The following PDGFD variants were observed in gnomAD, a reference collection of about 807,000 sequenced individuals.
PDGFD encodes platelet derived growth factor D, also known as platelet-derived growth factor D.
A neutral mutation model predicts 44.7 loss-of-function variants in PDGFD; 30 were observed. That is an observed-to-expected ratio of 0.67 (90% CI 0.50 to 0.91). PDGFD has a LOEUF of 0.91. PDGFD is among the 40% of genes least tolerant of loss of function. The probability of loss-of-function intolerance (pLI) is 0.00; values close to 1 mark genes in which losing one functional copy is unlikely to be tolerated. For synonymous variants in PDGFD, 173 were observed against 168.4 expected, an observed-to-expected ratio of 1.03 and a Z score of -0.21; for missense variants, 445 against 457.8, an observed-to-expected ratio of 0.97 and a Z score of 0.25.
intron 1 of PDGFD, among the ~76,000 whole-genome samples, chr11:104,100,909 T>G (rs558458373): frequency 1.3e-5 from 2 of 152,266 alleles, no homozygotes; most frequent in South Asian, 4.1e-4. Context: ...CAACCCTTCA[T>G]GCTAAAAACT....
chr11:104,061,235 T>TA (rs1382884000), intron 1 of PDGFD, among the ~76,000 whole-genome samples: 7 of 151,522 alleles, frequency 4.6e-5, no homozygotes, highest in African/African-American at 1.7e-4. Flanking sequence ...AGTAAGAAAA[T>TA]AATTCTTAGC....
At chr11:103,977,814 T>C (rs914459929) in intron 3 of PDGFD, among the ~76,000 whole-genome samples, 1 of 152,044 alleles carries the variant, frequency 6.6e-6, no homozygotes, top group Non-Finnish European at 1.5e-5. Context: ...GGATCTAATA[T>C]GTACAGAGAT....
chr11:103,934,540 A>G (rs1045366259), intron 5 of PDGFD, among the ~76,000 whole-genome samples: 2 of 152,210 alleles, frequency 1.3e-5, no homozygotes, highest in Non-Finnish European at 2.9e-5. Flanking sequence ...GTAGTTTATA[A>G]AGAAAAGAGG....
At chr11:104,087,470 G>A (rs1861148796) in intron 1 of PDGFD, among the ~76,000 whole-genome samples, 2 of 152,050 alleles carry the variant, frequency 1.3e-5, no homozygotes, top group Admixed American at 6.6e-5. Context: ...GTCTCCCAAA[G>A]TGCTGGGATT....
In PDGFD at chr11:104,119,558, A is replaced by ATTGAT. The variant is rs1565341031; in HGVS notation, c.124+44245_124+44246insATCAA. On this transcript the variant is annotated intron_variant, in intron 1 of 6. Coordinates refer to ENST00000393158, the MANE Select transcript of PDGFD (RefSeq NM_025208.5). The stretch of plus-strand genomic sequence containing the variant: ...AATATATAATATAATATATTGATAT[A>ATTGAT]ATATATAATATATTAATATAATATA... 8.4e-5 allele frequency among the ~76,000 whole-genome samples: 7 copies of ATTGAT among 82,912 alleles called. 1 individual carries two copies. Among genetic ancestry groups the ATTGAT allele is most frequent in the African/African-American group, 3.5e-4 (7 of 19,794 alleles). The allele number at this position is 82,912 out of a possible 152,430, so 54.4% of individuals were successfully genotyped here.
chr11:103,922,711 G>T (rs979226155), intron 6 of PDGFD, among the ~76,000 whole-genome samples: 1 of 151,898 alleles, frequency 6.6e-6, no homozygotes, highest in Admixed American at 6.6e-5. Flanking sequence ...TCCACACTTG[G>T]CTACTTAAAA....
chr11:103,911,053 G>T (rs4587700), intron 6 of PDGFD, among the ~76,000 whole-genome samples: 69,353 of 151,830 alleles, frequency 0.46, 15,912 homozygotes, highest in South Asian at 0.49. Flanking sequence ...TTTTGGGCAG[G>T]TCATCTCTGA....
intron 1 of PDGFD, among the ~76,000 whole-genome samples, chr11:104,129,873 G>C (rs1451849614): frequency 6.6e-6 from 1 of 151,938 alleles, no homozygotes; most frequent in Non-Finnish European, 1.5e-5. Context: ...GCCAGGCATG[G>C]TGGCGCATGC....
intron 6 of PDGFD, among the ~76,000 whole-genome samples, chr11:103,919,502 CTTTTTTTTTTT>C (rs71037206): frequency 1.1e-5 from 1 of 88,764 alleles, no homozygotes; most frequent in Non-Finnish European, 2.1e-5. Context: ...AAGATTCTTC[CTTTTTTTTTTT>C]TTTTTTTTTT....
intron 1 of PDGFD, among the ~76,000 whole-genome samples, chr11:104,144,524 A>AAAAG (rs1231695081): frequency 6.9e-6 from 1 of 145,608 alleles, no homozygotes; most frequent in Admixed American, 6.8e-5. Flanking sequence ...AAAAAAAAAA[A>AAAAG]AAAACCCAAC....
rs1389781912 is a variant in PDGFD, at chr11:103,909,651, C to T, written c.*43G>A. The T allele has an allele frequency of 6.2e-7, 1 of 1,611,076 alleles. No individual in the cohort carries two copies. Among genetic ancestry groups the T allele is most frequent in the Admixed American group, 1.7e-5 (1 of 60,014 alleles). ...GGTCTCTTATCTCACCCTCCTTAAA[C>T]TAAAGGTTCTTTCAGGCTTAATGTA... On this transcript the variant is annotated 3_prime_UTR_variant, in exon 7 of 7. Transcript: ENST00000393158.
chr11:104,015,396 A>AT (rs1229285727), intron 1 of PDGFD, among the ~76,000 whole-genome samples: 4 of 152,226 alleles, frequency 2.6e-5, no homozygotes, highest in South Asian at 2.1e-4. Flanking sequence ...ACGAAGCTAC[A>AT]TTTTAAATTA....
At chr11:103,985,805 A>T (rs1356204167) in intron 3 of PDGFD, among the ~76,000 whole-genome samples, 1 of 152,140 alleles carries the variant, frequency 6.6e-6, no homozygotes, top group Non-Finnish European at 1.5e-5. Flanking sequence ...CAACTGGAAA[A>T]TATGATCACA....
At chr11:103,991,872 A>G (rs186068565) in intron 3 of PDGFD, among the ~76,000 whole-genome samples, 2 of 152,326 alleles carry the variant, frequency 1.3e-5, no homozygotes, top group East Asian at 1.9e-4. Context: ...AAACTGAGCC[A>G]TTAGTCAGTA....
chr11:104,027,677 G>C (rs1190059331), intron 1 of PDGFD, among the ~76,000 whole-genome samples: 1 of 152,210 alleles, frequency 6.6e-6, no homozygotes, highest in Non-Finnish European at 1.5e-5. Flanking sequence ...TCCAGTTCTT[G>C]TGTGTGTTTA....
At chr11:104,078,467 C>T (rs1031147785) in intron 1 of PDGFD, among the ~76,000 whole-genome samples, 3 of 122,720 alleles carry the variant, frequency 2.4e-5, no homozygotes, top group Admixed American at 8.1e-5. Flanking sequence ...CTCTTTCTTA[C>T]TGACTCCCTT....
chr11:103,960,900 A>C (rs1295137351), intron 3 of PDGFD, among the ~76,000 whole-genome samples: 1 of 152,136 alleles, frequency 6.6e-6, no homozygotes, highest in Non-Finnish European at 1.5e-5. Flanking sequence ...TTACAAGGGC[A>C]CTAATCACAT....
At chr11:104,034,749 T>C (rs1017120585) in intron 1 of PDGFD, among the ~76,000 whole-genome samples, 1 of 151,746 alleles carries the variant, frequency 6.6e-6, no homozygotes, top group Non-Finnish European at 1.5e-5. Flanking sequence ...TTCATGCCAT[T>C]CTCCTGCCTC....
intron 1 of PDGFD, among the ~76,000 whole-genome samples, chr11:104,000,650 ATGTC>A (rs1291606764): frequency 1.3e-5 from 2 of 152,166 alleles, no homozygotes; most frequent in Non-Finnish European, 2.9e-5. Context: ...TCCACCCTTG[ATGTC>A]TGTCTAACTT....
Sources: gnomAD v4.1 joint callset for allele counts (sites outside exome capture counted in the v4.1 genomes callset) on GRCh38, gnomAD v4.1.1 for gene constraint, MANE v1.5 for transcripts, NCBI Gene and HGNC (gene_info 2026-07-23, HGNC 2026-07-21) for gene names.